Variants in ARPP21 observed in about 807,000 individuals in gnomAD.
ARPP21 encodes cAMP-regulated phosphoprotein 21.
Under a neutral mutation model 113.2 loss-of-function variants are expected in ARPP21, and 69 were observed. That is an observed-to-expected ratio of 0.61 (90% CI 0.50 to 0.74). ARPP21 has a LOEUF of 0.74. ARPP21 is among the 30% of genes least tolerant of loss of function. The pLI is 0.00. For synonymous variants in ARPP21, 368 were observed against 375.5 expected (o/e 0.98, Z 0.23); for missense variants, 1,070 against 1,037.4 (o/e 1.03, Z -0.43).
chr3:35,776,239 T>TA (rs1421679969), intron 19 of ARPP21, among the ~76,000 whole-genome samples: 1 of 152,172 alleles, frequency 6.6e-6, no homozygotes, highest in Non-Finnish European at 1.5e-5. Flanking sequence ...ATGCTTTCTT[T>TA]AAAAAAATCA....
intron 19 of ARPP21, among the ~76,000 whole-genome samples, chr3:35,750,105 G>C (rs894443293): frequency 2.8e-5 from 3 of 108,038 alleles, no homozygotes; most frequent in Non-Finnish European, 6.1e-5. Flanking sequence ...TTAATTTTAG[G>C]TTTATTTCGC....
chr3:35,712,556 G>A (rs2091466921), intron 11 of ARPP21, among the ~76,000 whole-genome samples: 1 of 149,588 alleles, frequency 6.7e-6, no homozygotes, highest in African/African-American at 2.5e-5. Flanking sequence ...GTGTGTGTGT[G>A]TGTGTGAAAG....
intron 15 of ARPP21, among the ~76,000 whole-genome samples, chr3:35,731,591 G>A (rs181911103): frequency 6.2e-4 from 94 of 152,156 alleles, no homozygotes; most frequent in Non-Finnish European, 1.2e-3. Flanking sequence ...ACATGTATGT[G>A]TATGTACATA....
At chr3:35,687,652 T>G (rs2081028708) in intron 5 of ARPP21, 87 bp from the exon 6 acceptor site, 5 of 1,265,248 alleles carry the variant, frequency 4.0e-6, no homozygotes, top group Middle Eastern at 2.0e-4. Flanking sequence ...TTTTCATTTT[T>G]CTATACTTTA....
intron 1 of ARPP21, among the ~76,000 whole-genome samples, chr3:35,649,002 G>A (rs368995865): frequency 2.0e-5 from 3 of 152,104 alleles, no homozygotes; most frequent in Non-Finnish European, 4.4e-5. Flanking sequence ...ACATGCTTAC[G>A]CACAAGTCAT....
intron 5 of ARPP21, chr3:35,684,995 A>C (rs990234412): frequency 1.0e-6 from 1 of 984,208 alleles, no homozygotes; most frequent in African/African-American, 1.7e-5. Context: ...AATAATGTGA[A>C]TATCACGGCT....
At chr3:35,655,471 C>T (rs140960367) in intron 1 of ARPP21, among the ~76,000 whole-genome samples, 1,790 of 151,956 alleles carry the variant, frequency 0.012, 16 homozygotes, top group Middle Eastern at 0.037. Flanking sequence ...CTTCTCTGCA[C>T]GTCACAGCTG....
chr3:35,667,957 GA>G (rs1559548941), intron 1 of ARPP21, among the ~76,000 whole-genome samples: 7 of 33,690 alleles, frequency 2.1e-4, no homozygotes, highest in Non-Finnish European at 3.8e-4. Context: ...AAAAGAAGAA[GA>G]AGAAGAAGAA....
chr3:35,667,967 A>G (rs921999562), intron 1 of ARPP21, among the ~76,000 whole-genome samples: 1 of 107,462 alleles, frequency 9.3e-6, no homozygotes, highest in African/African-American at 3.5e-5. Flanking sequence ...GAAGAAGAAG[A>G]AGAAGAAGAA....
chr3:35,721,626 G>A lies in ARPP21; in HGVS notation c.1017G>A (p.Gly339=). ...QLFRGNRDGS[G]RTSGSRQSSS... is the part of the protein sequence containing the mutation. ...CCAGGGGCAACAGAGATGGCTCAGG[G>A]AGAACATCTGGGAGTCGACAGAGCA... The change falls in exon 14 of 21, where the codon GGG becomes GGA. Residue 339 remains glycine (G), a synonymous_variant. Coordinates refer to ENST00000684406, the MANE Select transcript of ARPP21 (RefSeq NM_001385562.1). The A allele has an allele frequency of 1.2e-6, 2 of 1,611,638 alleles. No homozygotes were observed. Among genetic ancestry groups the A allele is most frequent in the South Asian group, 1.1e-5 (1 of 90,942 alleles).
chr3:35,645,704 G>C (rs1278411472), intron 1 of ARPP21, among the ~76,000 whole-genome samples: 1 of 151,758 alleles, frequency 6.6e-6, no homozygotes, highest in Non-Finnish European at 1.5e-5. Flanking sequence ...TGTTATCCTT[G>C]GTTGCTTCTT....
At chr3:35,650,625 G>C (rs1213495720) in intron 1 of ARPP21, 1 of 152,048 alleles carries the variant, frequency 6.6e-6, no homozygotes, top group Non-Finnish European at 1.5e-5. Context: ...ATGGAAGAGT[G>C]AGCACCACTG....
intron 11 of ARPP21, among the ~76,000 whole-genome samples, chr3:35,713,361 G>T (rs1051379414): frequency 1.1e-4 from 16 of 151,932 alleles, no homozygotes; most frequent in Non-Finnish European, 2.9e-5. Context: ...ACTTTCCAAA[G>T]AAAACAGAAA....
rs1432655932 is a variant in ARPP21 at position 35,751,636 on chromosome 3, A to T, written c.2137+7671A>T. On this transcript the variant is annotated intron_variant, in intron 19 of 20. Coordinates refer to ENST00000684406, the MANE Select transcript of ARPP21 (RefSeq NM_001385562.1). The stretch of plus-strand genomic sequence containing the variant: ...ATCCCTTACAGTCTGCTCAACAGCC[A>T]GAATGAGATATGAGTACTATGAATA... Among the ~76,000 whole-genome samples the T allele has an allele frequency of 2.0e-5, 3 of 152,164 alleles. No individual in the cohort carries two copies. The East Asian group carries it at 5.8e-4, about 29-fold the overall frequency.
chr3:35,642,813 A>G (rs1698628308), intron 1 of ARPP21, among the ~76,000 whole-genome samples: 1 of 152,140 alleles, frequency 6.6e-6, no homozygotes, highest in African/African-American at 2.4e-5. Context: ...ATGAACTTGG[A>G]GTCTAGGTCC....
intron 19 of ARPP21, among the ~76,000 whole-genome samples, chr3:35,759,009 C>T (rs756799411): frequency 6.6e-6 from 1 of 151,934 alleles, no homozygotes; most frequent in Non-Finnish European, 1.5e-5. Flanking sequence ...ATATTTTAAA[C>T]TCTGGCAGGA....
chr3:35,741,295 A>G (rs1407614596), intron 18 of ARPP21, among the ~76,000 whole-genome samples: 1 of 152,238 alleles, frequency 6.6e-6, no homozygotes. Flanking sequence ...GAGATAAAAC[A>G]GGTGTCCATG....
intron 19 of ARPP21, among the ~76,000 whole-genome samples, chr3:35,747,323 C>T (rs2095123731): frequency 7.1e-6 from 1 of 141,456 alleles, no homozygotes; most frequent in Non-Finnish European, 1.5e-5. Context: ...CCATTGCACT[C>T]CAAATCCAGC....
chr3:35,688,029 A>G (rs879110255), intron 6 of ARPP21, 146 bp downstream of exon 6: 2 of 697,066 alleles, frequency 2.9e-6, no homozygotes, highest in Admixed American at 3.2e-5. Flanking sequence ...TGTGTAAAAA[A>G]TGTGAACTTG....
Sources: gnomAD v4.1 joint callset for allele counts (sites outside exome capture counted in the v4.1 genomes callset) on GRCh38, gnomAD v4.1.1 for gene constraint, MANE v1.5 for transcripts, NCBI Gene and HGNC (gene_info 2026-07-23, HGNC 2026-07-21) for gene names.